The following PCDH11X variants were observed in gnomAD, a reference collection of about 807,000 sequenced individuals.
PCDH11X encodes protocadherin-11 X-linked.
Under a neutral mutation model 53.3 loss-of-function variants are expected in PCDH11X, and 18 were observed. That is an observed-to-expected ratio of 0.34 (90% CI 0.23 to 0.50). PCDH11X has a LOEUF of 0.50. PCDH11X is among the 20% of genes least tolerant of loss of function. The pLI is 0.98. For synonymous variants in PCDH11X, 279 were observed against 393.3 expected (o/e 0.71, Z 3.44); for missense variants, 570 against 1,032.4 (o/e 0.55, Z 6.14).
chrX:92,408,613 C>T (rs1422080272), intron 9 of PCDH11X, among the ~76,000 whole-genome samples: 1 of 111,010 alleles, frequency 9.0e-6, no homozygotes, highest in Admixed American at 9.6e-5. Context: ...GAGTCTCACT[C>T]TGTTGCTCAG....
chrX:92,510,272 C>G (rs1269067760), intron 10 of PCDH11X, among the ~76,000 whole-genome samples: 1 of 95,821 alleles, frequency 1.0e-5, no homozygotes, highest in African/African-American at 3.6e-5. Context: ...GTATTTCATT[C>G]ATTTGGTAAT....
At chrX:92,188,566 G>T (rs2066139171) in intron 6 of PCDH11X, among the ~76,000 whole-genome samples, 2 of 111,656 alleles carry the variant, frequency 1.8e-5, no homozygotes, top group African/African-American at 3.2e-5. Context: ...ATTATTGAAA[G>T]AAAGTAGAGC....
At chrX:92,100,587 A>G (rs1602915243) in intron 6 of PCDH11X, among the ~76,000 whole-genome samples, 1 of 110,989 alleles carries the variant, frequency 9.0e-6, no homozygotes, top group African/African-American at 3.3e-5. Flanking sequence ...GGGGCAGGGC[A>G]TATTCACTTC....
Position 92,326,639 on chromosome X carries a change from T to TATATAG in PCDH11X, c.3145-61095_3145-61094insTATAGA, listed in dbSNP as rs758088746. ...TTAATAAACTATATATATATATATA[T>TATATAG]AGAGAGAGAGAGAGAGAGAGAGAGA... is the stretch of plus-strand genomic sequence containing the variant. On this transcript the variant is annotated intron_variant, in intron 8 of 10. Coordinates refer to ENST00000682573, the MANE Select transcript of PCDH11X (RefSeq NM_032968.5). 2.0e-4 allele frequency among the ~76,000 whole-genome samples: 8 copies of TATATAG among 39,333 alleles called. 2 individuals are homozygous for TATATAG. The highest frequency in any genetic ancestry group is 1.3e-3 in the African/African-American group (8 of 5,926). The allele number at this position is 39,333 out of a possible 115,157, so 34.2% of individuals were successfully genotyped here.
intron 7 of PCDH11X, among the ~76,000 whole-genome samples, chrX:92,207,223 A>C (rs1380182460): frequency 8.9e-6 from 1 of 111,752 alleles, no homozygotes; most frequent in Non-Finnish European, 1.9e-5. Flanking sequence ...TACTTAGAGG[A>C]AGTAGAGAGG....
intron 10 of PCDH11X, among the ~76,000 whole-genome samples, chrX:92,540,602 C>G (rs1490084731): frequency 2.9e-5 from 3 of 102,476 alleles, no homozygotes; most frequent in Non-Finnish European, 3.9e-5. Flanking sequence ...CATTATTTTT[C>G]CCCCTGCTTT....
chrX:91,869,925 G>A (rs1297623453), intron 5 of PCDH11X, among the ~76,000 whole-genome samples: 3 of 111,708 alleles, frequency 2.7e-5, no homozygotes, highest in African/African-American at 6.5e-5. Flanking sequence ...AAGTAAAAAA[G>A]AGAATTCTGA....
chrX:92,349,926 T>G (rs1006528408), intron 8 of PCDH11X, among the ~76,000 whole-genome samples: 1 of 108,289 alleles, frequency 9.2e-6, no homozygotes, highest in African/African-American at 3.4e-5. Flanking sequence ...TGACTTAAGA[T>G]AGTTTCAATT....
intron 10 of PCDH11X, among the ~76,000 whole-genome samples, chrX:92,613,873 T>C (rs1927680318): frequency 1.8e-5 from 2 of 110,279 alleles, no homozygotes; most frequent in African/African-American, 6.6e-5. Flanking sequence ...TATCTGGCTA[T>C]GTTATTTCAA....
intron 6 of PCDH11X, among the ~76,000 whole-genome samples, chrX:92,132,683 A>T (rs1468661642): frequency 1.2e-4 from 8 of 67,542 alleles, no homozygotes; most frequent in Non-Finnish European, 1.9e-4. Context: ...ATGTATATAT[A>T]TATGTATATA....
Position 92,106,161 on chromosome X carries a change from C to T in PCDH11X, c.3034-95214C>T, listed in dbSNP as rs763396722. On this transcript the variant is annotated intron_variant, in intron 6 of 10. Coordinates refer to ENST00000682573, the MANE Select transcript of PCDH11X (RefSeq NM_032968.5). ...AAATGGGATTGTTGAATCAGATTAA[C>T]GTTAGAATCAATTTATCTAGCTCTA... Among the ~76,000 whole-genome samples, 18 of 108,832 alleles carry T rather than the reference C, an allele frequency of 1.7e-4. No homozygotes were observed. The South Asian group carries it at 3.2e-3, about 19-fold the overall frequency. 94.5% of individuals were successfully genotyped at this position (108,832 alleles called of 115,157 possible).
At chrX:92,143,345 C>A (rs1259600506) in intron 6 of PCDH11X, among the ~76,000 whole-genome samples, 1 of 112,176 alleles carries the variant, frequency 8.9e-6, no homozygotes, top group Admixed American at 9.4e-5. Flanking sequence ...CACAGCAGCC[C>A]CTCCCATCAC....
intron 6 of PCDH11X, among the ~76,000 whole-genome samples, chrX:91,937,412 T>C (rs1190052939): frequency 9.0e-6 from 1 of 110,714 alleles, no homozygotes; most frequent in Non-Finnish European, 1.9e-5. Flanking sequence ...AAATATTAAA[T>C]GCCCAAAGTT....
intron 9 of PCDH11X, among the ~76,000 whole-genome samples, chrX:92,424,890 G>C (rs2072070808): frequency 1.0e-5 from 1 of 97,560 alleles, no homozygotes; most frequent in Non-Finnish European, 2.3e-5. Flanking sequence ...ATTTTGGACA[G>C]AACTGCAACC....
intron 9 of PCDH11X, chrX:92,460,780 A>C (rs1470803969): frequency 2.9e-5 from 34 of 1,163,284 alleles, no homozygotes; most frequent in Non-Finnish European, 3.9e-5. Flanking sequence ...GTCAAGCTGG[A>C]GGCTGAGATC....
At chrX:92,288,229 C>G (rs12845268) in intron 8 of PCDH11X, among the ~76,000 whole-genome samples, 2,298 of 110,537 alleles carry the variant, frequency 0.021, 62 homozygotes, top group African/African-American at 0.065. Flanking sequence ...ATGGCCATTT[C>G]TGGGAATTTT....
At chrX:92,197,944 C>A (rs1427657741) in intron 6 of PCDH11X, among the ~76,000 whole-genome samples, 1 of 111,597 alleles carries the variant, frequency 9.0e-6, no homozygotes, top group East Asian at 2.8e-4. Context: ...TCTCTGGATT[C>A]TTTTTTTGCT....
chrX:92,590,093 A>G (rs182756963), intron 10 of PCDH11X, among the ~76,000 whole-genome samples: 1 of 108,785 alleles, frequency 9.2e-6, no homozygotes, highest in East Asian at 2.9e-4. Context: ...TTATCCTGCA[A>G]GAGGACAGCT....
At chrX:92,197,165 G>A (rs2066305974) in intron 6 of PCDH11X, among the ~76,000 whole-genome samples, 1 of 111,339 alleles carries the variant, frequency 9.0e-6, no homozygotes, top group Non-Finnish European at 1.9e-5. Context: ...ATATTGTTGA[G>A]TAGACTTTAG....
Sources: gnomAD v4.1 joint callset for allele counts (sites outside exome capture counted in the v4.1 genomes callset) on GRCh38, gnomAD v4.1.1 for gene constraint, MANE v1.5 for transcripts, NCBI Gene and HGNC (gene_info 2026-07-23, HGNC 2026-07-21) for gene names.